Variants in NRG1 observed in about 807,000 individuals in gnomAD.
The protein encoded by NRG1 is pro-neuregulin-1, membrane-bound isoform.
NRG1 carries 18 observed loss-of-function variants against 63.8 expected under a neutral mutation model. That is an observed-to-expected ratio of 0.28 (90% CI 0.19 to 0.42). NRG1 has a LOEUF of 0.42. Among genes scored for constraint, NRG1 ranks in the 10% least tolerant of loss-of-function variants. The pLI is 1.00. For missense variants in NRG1, 762 were observed against 814.7 expected (o/e 0.94, Z 0.79); for synonymous variants, 302 against 301.3 (o/e 1.00, Z -0.02).
intron 1 of NRG1, among the ~76,000 whole-genome samples, chr8:32,428,094 A>G (rs567241037): frequency 2.0e-5 from 3 of 152,282 alleles, no homozygotes; most frequent in East Asian, 1.9e-4. Context: ...CTCTCTTCTC[A>G]TATTGATGTT....
chr8:32,464,287 C>G (rs976580014), intron 1 of NRG1, among the ~76,000 whole-genome samples: 1 of 134,870 alleles, frequency 7.4e-6, no homozygotes, highest in East Asian at 2.2e-4. Flanking sequence ...CCACCCCCCC[C>G]CACCCCACCA....
intron 1 of NRG1, among the ~76,000 whole-genome samples, chr8:32,536,856 G>A (rs551989620): frequency 3.2e-4 from 46 of 142,824 alleles, no homozygotes; most frequent in Admixed American, 8.9e-4. Context: ...CCCGGGAGGC[G>A]GAGCTTGCAG....
intron 1 of NRG1, among the ~76,000 whole-genome samples, chr8:31,854,346 T>A (rs1319297231): frequency 3.3e-5 from 5 of 152,110 alleles, no homozygotes; most frequent in African/African-American, 1.2e-4. Flanking sequence ...CTTGGGAGAG[T>A]GTATGTGTCC....
At chr8:32,077,294 G>C (rs1268312637) in intron 1 of NRG1, among the ~76,000 whole-genome samples, 1 of 152,154 alleles carries the variant, frequency 6.6e-6, no homozygotes, top group Non-Finnish European at 1.5e-5. Context: ...TGGAACCCGG[G>C]AGGCAGAGGT....
chr8:32,336,646 G>A (rs568276903), intron 1 of NRG1, among the ~76,000 whole-genome samples: 46 of 152,244 alleles, frequency 3.0e-4, no homozygotes, highest in Non-Finnish European at 3.8e-4. Flanking sequence ...GTCTTGCTCT[G>A]TCACCCAGGC....
intron 1 of NRG1, among the ~76,000 whole-genome samples, chr8:31,958,528 T>A (rs937593551): frequency 1.3e-5 from 2 of 152,146 alleles, no homozygotes; most frequent in Non-Finnish European, 1.5e-5. Context: ...AAGACCAGCA[T>A]AAACTTTTGA....
chr8:31,737,922 A>AT (rs977274685), intron 1 of NRG1, among the ~76,000 whole-genome samples: 60 of 152,178 alleles, frequency 3.9e-4, no homozygotes, highest in African/African-American at 1.3e-3. Flanking sequence ...ATTCTGTTTA[A>AT]TTTTTTTATA....
At position 32,548,834 on chromosome 8, in the gene NRG1, C is replaced by T. The variant is rs371654376; in HGVS notation, c.100+8C>T. ...CGGGCAGCCAGAGCCCAGGTGGGTG[C>T]GCAGCGCGGCCCGGGCCCCACGATC... On this transcript the variant is annotated splice_region_variant and intron_variant, in intron 1 of 11. Coordinates refer to ENST00000356819, the Ensembl canonical transcript of NRG1. 2 of 1,555,050 alleles carry T rather than the reference C, an allele frequency of 1.3e-6. No individual in the cohort carries two copies. The highest frequency in any genetic ancestry group is 1.7e-6 in the Non-Finnish European group (2 of 1,152,444).
chr8:31,715,317 T>A (rs1194069299), intron 1 of NRG1, among the ~76,000 whole-genome samples: 1 of 152,068 alleles, frequency 6.6e-6, no homozygotes, highest in Non-Finnish European at 1.5e-5. Flanking sequence ...GACTAATGCT[T>A]AAAAATAAAG....
At chr8:32,320,819 A>G (rs1016112577) in intron 1 of NRG1, among the ~76,000 whole-genome samples, 1 of 152,158 alleles carries the variant, frequency 6.6e-6, no homozygotes, top group Non-Finnish European at 1.5e-5. Context: ...CACCTCTGAG[A>G]CATTGTATGG....
exon 1 of NRG1, chr8:32,548,752 G>T: frequency 1.9e-6 from 3 of 1,589,558 alleles, no homozygotes; most frequent in Non-Finnish European, 2.6e-6. Context: ...GAAGGCAGAG[G>T]CAAAGGGAAG....
At chr8:32,613,915 A>G (rs1362716929) in intron 3 of NRG1, among the ~76,000 whole-genome samples, 2 of 152,114 alleles carry the variant, frequency 1.3e-5, no homozygotes, top group Non-Finnish European at 2.9e-5. Flanking sequence ...TGATGTATCC[A>G]GAAGTATACA....
chr8:31,686,753 T>G (rs1230794292), intron 1 of NRG1, among the ~76,000 whole-genome samples: 1 of 151,274 alleles, frequency 6.6e-6, no homozygotes, highest in African/African-American at 2.5e-5. Flanking sequence ...CAGGATGGTC[T>G]TTTTTGTTGT....
intron 1 of NRG1, among the ~76,000 whole-genome samples, chr8:32,311,591 AG>A (rs1237169782): frequency 1.3e-5 from 2 of 152,186 alleles, no homozygotes; most frequent in African/African-American, 4.8e-5. Context: ...ATAGGGCCTG[AG>A]GGTCACAGGA....
At position 32,251,376 on chromosome 8, in the gene NRG1, AGG is replaced by A. The variant is rs1849084516; in HGVS notation, c.38-344451_38-344450del. On this transcript the variant is annotated intron_variant, in intron 1 of 10. Transcript: ENST00000519301. ...TTCAGCTTCATCCATGTCCCTGCAA[AGG>A]ACACAAACTCAACCTTTTTTATGGT... is the stretch of plus-strand genomic sequence containing the variant. 3.5e-5 allele frequency among the ~76,000 whole-genome samples: 4 copies of A among 115,356 alleles called. No individual in the cohort carries two copies. In the East Asian group the frequency reaches 8.9e-4, roughly 26 times the overall value. The allele number at this position is 115,356 out of a possible 152,430, so 75.7% of individuals were successfully genotyped here.
intron 5 of NRG1, among the ~76,000 whole-genome samples, chr8:32,658,318 T>C (rs1356639717): frequency 6.6e-6 from 1 of 152,236 alleles, no homozygotes; most frequent in Admixed American, 6.5e-5. Flanking sequence ...GATTGAAATC[T>C]TTTAATAACT....
intron 1 of NRG1, among the ~76,000 whole-genome samples, chr8:32,435,231 C>G (rs1265931186): frequency 6.6e-6 from 1 of 152,160 alleles, no homozygotes; most frequent in Non-Finnish European, 1.5e-5. Flanking sequence ...ATCATCATGG[C>G]AACCCCAGAG....
chr8:31,702,188 A>C lies in NRG1; in HGVS notation c.37+62757A>C, dbSNP rs143958707. 4.3e-3 allele frequency among the ~76,000 whole-genome samples: 658 copies of C among 152,282 alleles called. 4 individuals carry two copies. Among genetic ancestry groups the C allele is most frequent in the African/African-American group, 0.015 (629 of 41,550 alleles). On this transcript the variant is annotated intron_variant, in intron 1 of 10. Transcript: ENST00000519301. ...AACAGTTGGACAGAGATCTTTATTTAGGCTCCTGAATGGCTGTCGGCATCT... is the reference window on the plus strand; with the variant it reads ...AACAGTTGGACAGAGATCTTTATTTCGGCTCCTGAATGGCTGTCGGCATCT...
intron 1 of NRG1, among the ~76,000 whole-genome samples, chr8:31,821,929 C>T (rs1824043705): frequency 6.6e-6 from 1 of 152,166 alleles, no homozygotes; most frequent in African/African-American, 2.4e-5. Context: ...GTATGAGCAG[C>T]CTTTTTATAT....
Sources: allele counts gnomAD v4.1 joint callset (sites outside exome capture counted in the v4.1 genomes callset), GRCh38; gene constraint gnomAD v4.1.1; transcripts MANE v1.5; gene names NCBI Gene and HGNC (gene_info 2026-07-23, HGNC 2026-07-21).